CEP83: variants seen among roughly 807,000 people sequenced by gnomAD.
CEP83 encodes the protein centrosomal protein 83, also known as centrosomal protein of 83 kDa.
CEP83 carries 70 observed loss-of-function variants against 101.9 expected under a neutral mutation model. The observed-to-expected ratio is 0.69, with a 90% CI of 0.57 to 0.84. The LOEUF is 0.84. Among genes scored for constraint, CEP83 ranks in the 40% least tolerant of loss-of-function variants. The pLI is 0.00. For missense variants in CEP83, 715 were observed against 787.2 expected (o/e 0.91, Z 1.10); for synonymous variants, 264 against 267.9 (o/e 0.99, Z 0.14).
At chr12:94,314,726 T>C (rs1970396084) in intron 14 of CEP83, among the ~76,000 whole-genome samples, 1 of 152,218 alleles carries the variant, frequency 6.6e-6, no homozygotes. Flanking sequence ...AAGGCTTCCT[T>C]ATGCTCCTGT....
At position 94,373,481 on chromosome 12, in the gene CEP83, T is replaced by A. The variant is rs536922245; in HGVS notation, c.933+2405A>T. ...TACCTAAGAAGCTCTGGATACAGAT[T>A]CCAAAGAGATGGTACTTAAATCTTG... is the stretch of plus-strand genomic sequence containing the variant. On this transcript the variant is annotated intron_variant, in intron 8 of 16. Coordinates refer to ENST00000397809, the MANE Select transcript of CEP83 (RefSeq NM_016122.3). Among the ~76,000 whole-genome samples, 7 of 152,304 alleles carry A rather than the reference T, an allele frequency of 4.6e-5. No individual in the cohort carries two copies. In the East Asian group the frequency reaches 1.3e-3, roughly 29 times the overall value.
chr12:94,278,055 GC>G, the CEP83 span: 18 of 455,838 alleles, frequency 3.9e-5, 1 homozygote, highest in African/African-American at 1.8e-4. Flanking sequence ...CGGCTTTGGA[GC>G]CCCCCCTCCC....
intron 2 of CEP83, among the ~76,000 whole-genome samples, chr12:94,419,224 TC>T (rs1344762732): frequency 6.6e-6 from 1 of 152,120 alleles, no homozygotes; most frequent in Non-Finnish European, 1.5e-5. Context: ...TTTATTTTTT[TC>T]AATAGTGATA....
intron 15 of CEP83, chr12:94,312,620 C>A (rs1970045543): frequency 1.0e-6 from 1 of 985,278 alleles, no homozygotes; most frequent in African/African-American, 1.7e-5. Flanking sequence ...GCAATAGCTA[C>A]AACTGTCTTG....
chr12:94,345,166 A>G (rs561835425), intron 11 of CEP83, among the ~76,000 whole-genome samples: 1 of 152,372 alleles, frequency 6.6e-6, no homozygotes, highest in East Asian at 1.9e-4. Context: ...ACCAAATATT[A>G]ATCTTTTAGA....
rs867799064 is a variant in CEP83, at chr12:94,353,263, T to C, written c.1343+14531A>G. The stretch of plus-strand genomic sequence containing the variant: ...TACCCAGCAAAACTATCTTCAGAAA[T>C]GAAGAAGAAACAAAGTCTTTCTCAG... On this transcript the variant is annotated intron_variant, in intron 11 of 16. Coordinates refer to ENST00000397809, the MANE Select transcript of CEP83 (RefSeq NM_016122.3). Among the ~76,000 whole-genome samples, 3 of 152,112 alleles carry C rather than the reference T, an allele frequency of 2.0e-5. No homozygotes were observed. The South Asian group carries it at 6.2e-4, about 32-fold the overall frequency.
chr12:94,411,927 A>C, intron 3 of CEP83, 80 bp from the exon 4 acceptor site: 1 of 1,129,968 alleles, frequency 8.8e-7, no homozygotes, highest in Non-Finnish European at 1.3e-6. Flanking sequence ...GTCAATCAAC[A>C]CCACAGAAAA....
the CEP83 span, among the ~76,000 whole-genome samples, chr12:94,270,491 G>A: frequency 2.0e-5 from 3 of 152,124 alleles, no homozygotes; most frequent in Non-Finnish European, 4.4e-5. Flanking sequence ...AAACAGGTTG[G>A]CCTCTTTCCT....
At chr12:94,331,118 C>G (rs974857572) in intron 14 of CEP83, among the ~76,000 whole-genome samples, 6 of 151,642 alleles carry the variant, frequency 4.0e-5, no homozygotes, top group Non-Finnish European at 7.4e-5. Context: ...ATGGGAAACC[C>G]TGTCTCTACT....
At chr12:94,389,990 G>A (rs973904671) in intron 6 of CEP83, among the ~76,000 whole-genome samples, 5 of 152,238 alleles carry the variant, frequency 3.3e-5, no homozygotes, top group African/African-American at 7.2e-5. Flanking sequence ...GGAGCCCACT[G>A]CAGCTCAACA....
rs376657015 is a variant in CEP83 at position 94,382,627 on chromosome 12, C to T, written c.550-3585G>A. 1.3e-4 allele frequency among the ~76,000 whole-genome samples: 19 copies of T among 151,664 alleles called. No homozygotes were observed. In the South Asian group the frequency reaches 1.9e-3, roughly 15 times the overall value. ...GACCCATAAATTTTTTTAAGTATGT[C>T]ATTTCATTTCCAAGTGTTTGAAGAT... On this transcript the variant is annotated intron_variant, in intron 6 of 16. Coordinates refer to ENST00000397809, the MANE Select transcript of CEP83 (RefSeq NM_016122.3).
At chr12:94,423,996 T>A (rs1007681229) in intron 2 of CEP83, 9 of 1,613,264 alleles carry the variant, frequency 5.6e-6, no homozygotes, top group Non-Finnish European at 7.6e-6. Flanking sequence ...GGATGGTCCA[T>A]CCCTGGTGTC....
At chr12:94,305,468 T>A, downstream of CEP83, 1 of 557,256 alleles carries the variant, frequency 1.8e-6, no homozygotes, top group East Asian at 2.9e-5. Context: ...CTTGTGCCTG[T>A]GTGTATACCG....
intron 4 of CEP83, among the ~76,000 whole-genome samples, chr12:94,409,575 T>C (rs896882224): frequency 3.3e-5 from 5 of 152,166 alleles, no homozygotes; most frequent in Admixed American, 2.0e-4. Context: ...CTGAAAGATG[T>C]TCTAAAAAGG....
At chr12:94,432,058 C>CTTT (rs200437957) in intron 2 of CEP83, among the ~76,000 whole-genome samples, 3 of 143,218 alleles carry the variant, frequency 2.1e-5, no homozygotes, top group African/African-American at 5.1e-5. Context: ...TTAACTTTTT[C>CTTT]TTTTTTTTTT....
At chr12:94,332,535 A>G (rs1440757635) in intron 13 of CEP83, among the ~76,000 whole-genome samples, 2 of 152,194 alleles carry the variant, frequency 1.3e-5, no homozygotes, top group Non-Finnish European at 2.9e-5. Flanking sequence ...TTCTATGAAT[A>G]TTATTTAGAA....
At chr12:94,315,524 T>C (rs549103185) in intron 14 of CEP83, among the ~76,000 whole-genome samples, 19 of 152,254 alleles carry the variant, frequency 1.2e-4, no homozygotes, top group African/African-American at 4.1e-4. Flanking sequence ...TTCTCCAGCC[T>C]GTGGTGTCAT....
chr12:94,374,440 C>G (rs1471619438), intron 8 of CEP83, among the ~76,000 whole-genome samples: 1 of 152,124 alleles, frequency 6.6e-6, no homozygotes, highest in Non-Finnish European at 1.5e-5. Context: ...ATAATTTATA[C>G]TGGAATTGGA....
At chr12:94,455,422 A>G (rs974638965) in intron 1 of CEP83, among the ~76,000 whole-genome samples, 3 of 152,232 alleles carry the variant, frequency 2.0e-5, no homozygotes, top group Admixed American at 2.0e-4. Flanking sequence ...AGAAGCTAGA[A>G]TGGCAAATTC....
Sources: gnomAD v4.1 joint callset for allele counts (sites outside exome capture counted in the v4.1 genomes callset) on GRCh38, gnomAD v4.1.1 for gene constraint, MANE v1.5 for transcripts, NCBI Gene and HGNC (gene_info 2026-07-23, HGNC 2026-07-21) for gene names.